Variants in VCAN observed in about 807,000 individuals in gnomAD.
VCAN encodes versican core protein.
A neutral mutation model predicts 245.5 loss-of-function variants in VCAN; 44 were observed. The observed-to-expected ratio is 0.18, with a 90% confidence interval of 0.14 to 0.23. The LOEUF is 0.23. VCAN is among the 10% of genes least tolerant of loss of function. VCAN has a pLI of 1.00. For synonymous variants in VCAN, 1,413 were observed against 1,437.0 expected (o/e 0.98, Z 0.38); for missense variants, 3,793 against 4,057.9 (o/e 0.93, Z 1.77).
chr5:83,477,847 G>T (rs761281420), intron 1 of VCAN, among the ~76,000 whole-genome samples: 1 of 151,682 alleles, frequency 6.6e-6, no homozygotes, highest in Non-Finnish European at 1.5e-5. Flanking sequence ...AGAAAAAATC[G>T]CTCAGCCTCA....
rs751271725 is a variant in VCAN at position 83,521,212 on chromosome 5, C to T, written c.2906C>T (p.Ser969Phe). The T allele has an allele frequency of 8.7e-6, 14 of 1,613,692 alleles. No individual in the cohort carries two copies. In the South Asian group the frequency reaches 1.3e-4, roughly 15 times the overall value. ...STQEPTTYVD[S>F]SHTIPLSVIP... ...CAAGAGCCTACTACTTATGTAGACTCTTCCCATACCATTCCTCTTTCTGTA... is the reference window on the plus strand; with the variant it reads ...CAAGAGCCTACTACTTATGTAGACTTTTCCCATACCATTCCTCTTTCTGTA... Residue 969 changes from serine (S) to phenylalanine (F), a missense_variant, in exon 7 of 15, where the codon TCT becomes TTT. Transcript: ENST00000265077.
chr5:83,508,521 A>G (rs181482447), intron 5 of VCAN, among the ~76,000 whole-genome samples: 1 of 152,244 alleles, frequency 6.6e-6, no homozygotes, highest in Non-Finnish European at 1.5e-5. Context: ...ATGCTTCACT[A>G]TATCATTAGG....
chr5:83,474,841 CTATT>C (rs1327355140), intron 1 of VCAN, among the ~76,000 whole-genome samples: 1 of 152,210 alleles, frequency 6.6e-6, no homozygotes, highest in African/African-American at 2.4e-5. Flanking sequence ...TATTAAAAGG[CTATT>C]TAAGTTTTAT....
In VCAN at chr5:83,539,163, A is replaced by G. The variant is rs1248686798; in HGVS notation, c.6160A>G (p.Ile2054Val). 6 of 1,613,990 alleles carry G rather than the reference A, an allele frequency of 3.7e-6. No homozygotes were observed. The highest frequency in any genetic ancestry group is 5.1e-6 in the Non-Finnish European group (6 of 1,179,966). ...GLGEVGTVNE[I>V]DRRSTILPTA... ...GGGAGAAGTGGGTACTGTCAATGAAATTGATAGAAGATCCACCATTTTACC... is the reference window on the plus strand; with the variant it reads ...GGGAGAAGTGGGTACTGTCAATGAAGTTGATAGAAGATCCACCATTTTACC... Residue 2054 changes from isoleucine to valine, a missense_variant, in exon 8 of 15, where the codon ATT becomes GTT. Physicochemically the swap from Ile to Val is conservative, Grantham distance 29. This residue lies in a region of VCAN where 3,182 missense variants were observed against 3,250.3 expected (regional missense o/e 0.98). Transcript: ENST00000265077.
rs575858643 is a variant in VCAN at position 83,521,622 on chromosome 5, C to A, written c.3316C>A (p.Pro1106Thr). 6.2e-7 allele frequency: 1 copy of A among 1,613,924 alleles called. No homozygotes were observed. Among genetic ancestry groups the A allele is most frequent in the South Asian group, 1.1e-5 (1 of 91,084 alleles). The stretch of plus-strand genomic sequence containing the variant: ...AATTGATCACAGTGTGTCTTATCCA[C>A]CAGGTGCTGTAACTGAGCACAAAGT... ...GKIDHSVSYPPGAVTEHKVKT... is the reference protein window; with the variant it reads ...GKIDHSVSYPTGAVTEHKVKT... The change falls in exon 7 of 15, where the codon CCA becomes ACA. Residue 1106 changes from proline (P) to threonine (T), a missense_variant. Pro to Thr is a conservative substitution (Grantham distance 38). Around this residue, in one of 5 missense-constraint regions of VCAN, gnomAD observed 3,182 missense variants for 3,250.3 expected, o/e 0.98. Transcript: ENST00000265077.
At chr5:83,527,551 C>T (rs565455679) in intron 7 of VCAN, among the ~76,000 whole-genome samples, 47 of 152,206 alleles carry the variant, frequency 3.1e-4, no homozygotes, top group Admixed American at 4.6e-4. Flanking sequence ...AGAAAATAAA[C>T]GAACTTAATG....
At chr5:83,536,227 T>G (rs148844211) in intron 7 of VCAN, 1 of 152,310 alleles carries the variant, frequency 6.6e-6, no homozygotes, top group Non-Finnish European at 1.5e-5. Flanking sequence ...ATCAGCCTAA[T>G]CTGGGTCACA....
chr5:83,573,848 T>C (rs1748379349), intron 13 of VCAN, among the ~76,000 whole-genome samples: 1 of 152,204 alleles, frequency 6.6e-6, no homozygotes, highest in African/African-American at 2.4e-5. Context: ...AGAACTGAGA[T>C]GGGTTACCAC....
rs1482969074 is a variant in VCAN, at chr5:83,539,010, G to C, written c.6007G>C (p.Glu2003Gln). 1.2e-6 allele frequency: 2 copies of C among 1,613,906 alleles called. No homozygotes were observed. The highest frequency in any genetic ancestry group is 2.7e-5 in the African/African-American group (2 of 74,928). Residue 2003 changes from glutamate (E) to glutamine (Q), a missense_variant, in exon 8 of 15, where the codon GAG (glutamate) becomes CAG (glutamine). Transcript: ENST00000265077. ...CAGCACTTCAGCCTTCCCCTGGGAA[G>C]AGTTTACATCCTCAGCTGAGGGCTC... is the stretch of plus-strand genomic sequence containing the variant. ...MVSTSAFPWEEFTSSAEGSGE... is the reference protein window; with the variant it reads ...MVSTSAFPWEQFTSSAEGSGE...
chr5:83,479,243 C>A lies in VCAN; in HGVS notation c.-6-4270C>A, dbSNP rs551176452. Among the ~76,000 whole-genome samples the A allele has an allele frequency of 4.6e-5, 7 of 152,166 alleles. No homozygotes were observed. The East Asian group carries it at 1.2e-3, about 25-fold the overall frequency. ...GGTACCTAATTAGCAGAATGGTGGA[C>A]AAAACCACCGTGTCTCTGTCCTTAA... On this transcript the variant is annotated intron_variant, in intron 1 of 14. Transcript: ENST00000265077.
chr5:83,533,410 C>CAG (rs139914535), intron 7 of VCAN, among the ~76,000 whole-genome samples: 4 of 151,098 alleles, frequency 2.6e-5, no homozygotes, highest in South Asian at 2.1e-4. Flanking sequence ...ACATTTGTTT[C>CAG]AGAGAGAGAG....
chr5:83,577,079 T>A (rs1204406208), intron 13 of VCAN, among the ~76,000 whole-genome samples: 1 of 152,144 alleles, frequency 6.6e-6, no homozygotes, highest in Non-Finnish European at 1.5e-5. Flanking sequence ...TTATTTATTT[T>A]TTTTCCTTTA....
At position 83,545,669 on chromosome 5, in the gene VCAN, G is replaced by A. The variant is rs1747183399; in HGVS notation, c.9379+19G>A. On this transcript the variant is annotated intron_variant, in intron 9 of 14. Transcript: ENST00000265077. ...GAACTTGGTAAGATGGTACTTGGCTGAAAAGGTGCAGTTCTTTCACAGAAG... is the reference window on the plus strand; with the variant it reads ...GAACTTGGTAAGATGGTACTTGGCTAAAAAGGTGCAGTTCTTTCACAGAAG... 1.9e-6 allele frequency: 3 copies of A among 1,576,456 alleles called. No homozygotes were observed. The highest frequency in any genetic ancestry group is 4.5e-5 in the East Asian group (2 of 44,660).
In VCAN at chr5:83,493,735, G is replaced by A; in HGVS notation, c.620+15G>A. ...CAGACTGTCAGGTAAGAGGTCTGGG[G>A]GCCACAGGCTTCATTATTAACTTGA... On this transcript the variant is annotated intron_variant, in intron 4 of 14. Transcript: ENST00000265077. 6.2e-7 allele frequency: 1 copy of A among 1,614,076 alleles called. No homozygotes were observed. The highest frequency in any genetic ancestry group is 8.5e-7 in the Non-Finnish European group (1 of 1,180,016).
chr5:83,511,819 T>C (rs1199313779), intron 5 of VCAN, among the ~76,000 whole-genome samples: 1 of 152,164 alleles, frequency 6.6e-6, no homozygotes, highest in Non-Finnish European at 1.5e-5. Flanking sequence ...TTTTAAAGAA[T>C]GTATTATAAA....
Position 83,538,817 on chromosome 5 carries a change from T to C in VCAN, c.5814T>C (p.Phe1938=). The change falls in exon 8 of 15, where the codon TTT becomes TTC. Residue 1938 remains phenylalanine, a synonymous_variant. Transcript: ENST00000265077. ...TGGAGGAAGATTTCAGTGGTGACTT[T>C]AGAGAATACTCAACAGTGTCTCATC... ...FPLEEDFSGD[F]REYSTVSHPI... 1.9e-6 allele frequency: 3 copies of C among 1,613,972 alleles called. No homozygotes were observed. Among genetic ancestry groups the C allele is most frequent in the South Asian group, 2.2e-5 (2 of 91,080 alleles).
Position 83,538,698 on chromosome 5 carries a change from A to G in VCAN, c.5695A>G (p.Ile1899Val), listed in dbSNP as rs770306251. Residue 1899 changes from isoleucine (I) to valine (V), a missense_variant, in exon 8 of 15, where the codon ATA becomes GTA. Physicochemically the swap from Ile to Val is conservative, Grantham distance 29. Around this residue, in one of 5 missense-constraint regions of VCAN, gnomAD observed 3,182 missense variants for 3,250.3 expected, o/e 0.98. Coordinates refer to ENST00000265077, the MANE Select transcript of VCAN (RefSeq NM_004385.5). The part of the protein sequence containing the change: ...TVMDRVVAEN[I>V]TQTSREIVIS... ...AATGGACAGAGTAGTTGCTGAAAAT[A>G]TAACCCAAACATCCAGGGAAATAGT... 6.2e-7 allele frequency: 1 copy of G among 1,614,140 alleles called. No homozygotes were observed. Among genetic ancestry groups the G allele is most frequent in the Middle Eastern group, 1.6e-4 (1 of 6,062 alleles).
rs141680853 is a variant in VCAN, at chr5:83,538,413, G to A, written c.5410G>A (p.Ala1804Thr). ...AACAAATACATTAGAAAATTTGGGGGCACAGACCACTGAGCACAGCAGTAT... is the reference window on the plus strand; with the variant it reads ...AACAAATACATTAGAAAATTTGGGGACACAGACCACTGAGCACAGCAGTAT... ...TETNTLENLG[A>T]QTTEHSSIHQ... Residue 1804 changes from alanine (A) to threonine (T), a missense_variant, in exon 8 of 15, where the codon GCA (alanine) becomes ACA (threonine). This residue lies in a region of VCAN where 3,182 missense variants were observed against 3,250.3 expected (regional missense o/e 0.98). Transcript: ENST00000265077. The A allele has an allele frequency of 1.2e-4, 194 of 1,613,926 alleles. No individual in the cohort carries two copies. In the African/African-American group the frequency reaches 2.3e-3, roughly 19 times the overall value.
chr5:83,489,371 A>G (rs995780085), intron 2 of VCAN, among the ~76,000 whole-genome samples: 3 of 152,216 alleles, frequency 2.0e-5, no homozygotes, highest in African/African-American at 7.2e-5. Context: ...ATTCTTTATC[A>G]TTAAAAGTTT....
Sources: gnomAD v4.1 joint callset for allele counts (sites outside exome capture counted in the v4.1 genomes callset) on GRCh38, gnomAD v4.1.1 for gene constraint, gnomAD v4.1.1 regional missense constraint, MANE v1.5 for transcripts, NCBI Gene and HGNC (gene_info 2026-07-23, HGNC 2026-07-21) for gene names.